The following THSD7A variants were observed in gnomAD, a reference collection of about 807,000 sequenced individuals.
The protein encoded by THSD7A is thrombospondin type-1 domain-containing protein 7A.
In THSD7A, 96 loss-of-function variants were observed where a neutral mutation model predicts 231.3. The ratio of observed to expected loss-of-function variants is 0.41; its 90% CI spans 0.35 to 0.49. THSD7A has a LOEUF of 0.49. Ranked by LOEUF, THSD7A falls within the 20% of genes least tolerant of loss-of-function variation. The probability of loss-of-function intolerance (pLI) is 0.05; values close to 1 mark genes in which losing one functional copy is unlikely to be tolerated. For missense variants in THSD7A, 2,290 were observed against 2,070.2 expected (o/e 1.11, Z -2.06); for synonymous variants, 940 against 743.3 (o/e 1.26, Z -4.30).
At chr7:11,430,456 T>C (rs1250648664) in intron 13 of THSD7A, among the ~76,000 whole-genome samples, 1 of 152,140 alleles carries the variant, frequency 6.6e-6, no homozygotes, top group Non-Finnish European at 1.5e-5. Context: ...TAAAACATTA[T>C]GTGATCTTAT....
At chr7:11,674,471 G>A (rs1012876892) in intron 1 of THSD7A, among the ~76,000 whole-genome samples, 1 of 152,072 alleles carries the variant, frequency 6.6e-6, no homozygotes, top group Non-Finnish European at 1.5e-5. Flanking sequence ...TTAGTTTTAA[G>A]TGCCACCTAG....
At chr7:11,572,809 A>T (rs946673276) in intron 4 of THSD7A, among the ~76,000 whole-genome samples, 1 of 151,958 alleles carries the variant, frequency 6.6e-6, no homozygotes, top group East Asian at 1.9e-4. Context: ...TCTTATATCT[A>T]GGCCATCTCA....
intron 1 of THSD7A, among the ~76,000 whole-genome samples, chr7:11,819,241 T>C (rs1583316576): frequency 6.6e-6 from 1 of 152,172 alleles, no homozygotes; most frequent in South Asian, 2.1e-4. Context: ...AAATGCAAAA[T>C]GGAACAGCCA....
At chr7:11,388,623 G>T (rs1429070017) in intron 23 of THSD7A, among the ~76,000 whole-genome samples, 1 of 151,890 alleles carries the variant, frequency 6.6e-6, no homozygotes, top group African/African-American at 2.4e-5. Context: ...CTATTTTGTT[G>T]ATCTTTTCAA....
chr7:11,389,866 T>C (rs1355755211), intron 23 of THSD7A, among the ~76,000 whole-genome samples: 2 of 152,220 alleles, frequency 1.3e-5, no homozygotes, highest in East Asian at 3.8e-4. Context: ...TCTCTTTCAC[T>C]TATGAAGCTT....
chr7:11,372,873 C>T lies in THSD7A; in HGVS notation c.*2921G>A, dbSNP rs1156424581. 6.6e-6 allele frequency: 1 copy of T among 151,986 alleles called. No homozygotes were observed. The highest frequency in any genetic ancestry group is 1.5e-5 in the Non-Finnish European group (1 of 67,956). 9.4% of individuals were successfully genotyped at this position (151,986 alleles called of 1,614,324 possible). A position where few individuals can be genotyped will look rare whatever the true frequency, so the allele number is the denominator to read the frequency against. On this transcript the variant is annotated 3_prime_UTR_variant, in exon 28 of 28. Transcript: ENST00000423059. Reference sequence around the variant, plus strand: ...TCAGAAACAAAAATAAGGCCATTTTCATGTTATAAACATGAATATAATAAC... The same window carrying T: ...TCAGAAACAAAAATAAGGCCATTTTTATGTTATAAACATGAATATAATAAC...
chr7:11,412,377 C>T (rs973132186), intron 18 of THSD7A, among the ~76,000 whole-genome samples: 3 of 152,068 alleles, frequency 2.0e-5, no homozygotes, highest in African/African-American at 4.8e-5. Flanking sequence ...TTCACCTTCC[C>T]GAAGTGAGAG....
intron 6 of THSD7A, among the ~76,000 whole-genome samples, chr7:11,536,919 A>G (rs1347846610): frequency 1.3e-5 from 2 of 152,112 alleles, no homozygotes; most frequent in Admixed American, 6.5e-5. Context: ...TTTTAATAAT[A>G]TATGTCTGAA....
intron 6 of THSD7A, among the ~76,000 whole-genome samples, chr7:11,511,018 G>T (rs760707614): frequency 6.6e-6 from 1 of 152,118 alleles, no homozygotes; most frequent in African/African-American, 2.4e-5. Flanking sequence ...TGACATGATT[G>T]TATATTTAGA....
At chr7:11,828,680 T>C (rs79268757) in intron 1 of THSD7A, among the ~76,000 whole-genome samples, 4,661 of 152,236 alleles carry the variant, frequency 0.031, 104 homozygotes, top group South Asian at 0.081. Context: ...ATATTTTAGC[T>C]CCTCAAAAAC....
In THSD7A at chr7:11,460,827, C is replaced by A. The variant is rs965462979; in HGVS notation, c.2502-62G>T. On this transcript the variant is annotated intron_variant, in intron 10 of 27. Transcript: ENST00000423059. ...CAAAAATGCCAGCAAATCACAGAGA[C>A]ACAGCAGCATGGAAACATGACTTTG... 7 of 1,331,090 alleles carry A rather than the reference C, an allele frequency of 5.3e-6. No individual in the cohort carries two copies. The Admixed American group carries it at 1.4e-4, about 26-fold the overall frequency. The allele number at this position is 1,331,090 out of a possible 1,614,324, so 82.5% of individuals were successfully genotyped here. A position where few individuals can be genotyped will look rare whatever the true frequency, so the allele number is the denominator to read the frequency against.
In THSD7A at chr7:11,412,888, A is replaced by G. The variant is rs1783833097; in HGVS notation, c.3538-88T>C. ...GAGACAGCACTGGAGCAGGAGTTAG[A>G]ACATTTGGGCCACTGGCTAACTCAG... is the stretch of plus-strand genomic sequence containing the variant. On this transcript the variant is annotated intron_variant, in intron 17 of 27. Coordinates refer to ENST00000423059, the MANE Select transcript of THSD7A (RefSeq NM_015204.3). 2.1e-6 allele frequency: 3 copies of G among 1,458,680 alleles called. No individual in the cohort carries two copies. The South Asian group carries it at 3.9e-5, about 19-fold the overall frequency. The allele number at this position is 1,458,680 out of a possible 1,614,324, so 90.4% of individuals were successfully genotyped here.
intron 1 of THSD7A, among the ~76,000 whole-genome samples, chr7:11,803,606 C>T (rs1034779013): frequency 7.2e-5 from 11 of 152,156 alleles, no homozygotes; most frequent in South Asian, 4.2e-4. Flanking sequence ...TTTATGGTGA[C>T]GGATAAATAG....
At chr7:11,481,563 G>A (rs375893438) in intron 7 of THSD7A, among the ~76,000 whole-genome samples, 14 of 152,228 alleles carry the variant, frequency 9.2e-5, no homozygotes, top group African/African-American at 3.1e-4. Context: ...AAAGCAAAAT[G>A]AGTTCACTTT....
Position 11,636,203 on chromosome 7 carries a change from A to G in THSD7A, c.949T>C (p.Trp317Arg), listed in dbSNP as rs1286620488. ...GTCTGATATCCAATCTGGATGTCCCAATATTTGTTCTCTTGTCTGTTCTGC... is the reference window on the plus strand; with the variant it reads ...GTCTGATATCCAATCTGGATGTCCCGATATTTGTTCTCTTGTCTGTTCTGC... ...NRQNRQENKY[W>R]DIQIGYQTRE... Residue 317 changes from tryptophan to arginine, a missense_variant, in exon 2 of 28, where the codon TGG becomes CGG. Coordinates refer to ENST00000423059, the MANE Select transcript of THSD7A (RefSeq NM_015204.3). This position sits in a 1 kb window ranked among gnomAD's most constrained non-coding sequence, Gnocchi z 10.0. 1 of 1,614,014 alleles carries G rather than the reference A, an allele frequency of 6.2e-7. No individual in the cohort carries two copies. The highest frequency in any genetic ancestry group is 8.5e-7 in the Non-Finnish European group (1 of 1,179,900).
intron 13 of THSD7A, among the ~76,000 whole-genome samples, chr7:11,441,390 T>A (rs2128293232): frequency 6.6e-6 from 1 of 152,172 alleles, no homozygotes; most frequent in African/African-American, 2.4e-5. Flanking sequence ...ATAGAAATCT[T>A]GTATACATGT....
intron 9 of THSD7A, among the ~76,000 whole-genome samples, chr7:11,465,667 G>A (rs192893257): frequency 6.3e-4 from 96 of 152,164 alleles, no homozygotes; most frequent in African/African-American, 2.3e-3. Context: ...GAAGCAAAAT[G>A]TAAAGGTAGT....
chr7:11,509,190 C>A (rs1346507474), intron 6 of THSD7A, among the ~76,000 whole-genome samples: 6 of 151,898 alleles, frequency 4.0e-5, no homozygotes, highest in African/African-American at 1.5e-4. Flanking sequence ...ATGTTTTTAG[C>A]TTTCTATATT....
At chr7:11,588,422 C>T (rs1025474415) in intron 4 of THSD7A, among the ~76,000 whole-genome samples, 57 of 152,136 alleles carry the variant, frequency 3.7e-4, no homozygotes, top group African/African-American at 1.3e-3. Context: ...AGGACACACA[C>T]TCCTAAATTA....
Sources: gnomAD v4.1 joint callset for allele counts (sites outside exome capture counted in the v4.1 genomes callset) on GRCh38, gnomAD v4.1.1 for gene constraint, Gnocchi (gnomAD v3.1) non-coding constraint, MANE v1.5 for transcripts, NCBI Gene and HGNC (gene_info 2026-07-23, HGNC 2026-07-21) for gene names.